ARHGAP23: variants seen among roughly 807,000 people sequenced by gnomAD.
The protein encoded by ARHGAP23 is Rho GTPase activating protein 23.
Under a neutral mutation model 136.3 loss-of-function variants are expected in ARHGAP23, and 34 were observed. The ratio of observed to expected loss-of-function variants is 0.25; its 90% CI spans 0.19 to 0.33. The LOEUF is 0.33. Ranked by LOEUF, ARHGAP23 falls within the 10% of genes least tolerant of loss-of-function variation. The probability of loss-of-function intolerance (pLI) is 1.00; values close to 1 mark genes in which losing one functional copy is unlikely to be tolerated. For synonymous variants in ARHGAP23, 832 were observed against 920.5 expected, an observed-to-expected ratio of 0.90 and a Z score of 1.74; for missense variants, 1,808 against 2,139.0, an observed-to-expected ratio of 0.85 and a Z score of 3.05.
chr17:38,481,962 G>C, intron 14 of ARHGAP23, 60 bp from the exon 15 acceptor site: 1 of 1,447,422 alleles, frequency 6.9e-7, no homozygotes, highest in Non-Finnish European at 9.1e-7. Context: ...ATGTGGCAGT[G>C]AATGTGTGTG....
At position 38,469,566 on chromosome 17, in the gene ARHGAP23, T is replaced by C; in HGVS notation, c.1847T>C (p.Ile616Thr). The change falls in exon 9 of 24, where the codon ATC becomes ACC. Residue 616 changes from isoleucine to threonine, a missense_variant. Ile to Thr is a moderately conservative substitution (Grantham distance 89). Around this residue, in one of 7 missense-constraint regions of ARHGAP23, gnomAD observed 859 missense variants for 936.4 expected, o/e 0.92. Coordinates refer to ENST00000622683, the MANE Select transcript of ARHGAP23 (RefSeq NM_001199417.2). The stretch of plus-strand genomic sequence containing the variant: ...CGCCGCTCCTCCTACCTGCTGGCCA[T>C]CACCACGGAGCGCTCCAAGTCCTGC... ...AGRRSSYLLA[I>T]TTERSKSCDD... 6.5e-7 allele frequency: 1 copy of C among 1,548,622 alleles called. No individual in the cohort carries two copies. Among genetic ancestry groups the C allele is most frequent in the Non-Finnish European group, 8.7e-7 (1 of 1,146,712 alleles).
At chr17:38,446,451 C>T (rs1479593082) in intron 1 of ARHGAP23, among the ~76,000 whole-genome samples, 3 of 151,864 alleles carry the variant, frequency 2.0e-5, no homozygotes, top group Non-Finnish European at 2.9e-5. Flanking sequence ...TCCATTCATC[C>T]GTAGATGGAC....
In ARHGAP23 at chr17:38,479,839, C is replaced by T. The variant is rs761422042; in HGVS notation, c.2585C>T (p.Ala862Val). The change falls in exon 14 of 24, where the codon GCG becomes GTG. Residue 862 changes from alanine (A) to valine (V), a missense_variant. Physicochemically the swap from Ala to Val is moderately conservative, Grantham distance 64. This residue lies in a region of ARHGAP23 where 73 missense variants were observed against 82.5 expected (regional missense o/e 0.88). Transcript: ENST00000622683. ...AAGTCTGAGTTCCTCAAGCAGAGTG[C>T]GGCACGTGGCCTCAGGACTCAGGAC... Reference protein sequence around the residue: ...GLKSEFLKQSAARGLRTQDLP... With the variant: ...GLKSEFLKQSVARGLRTQDLP... 769 of 1,487,516 alleles carry T rather than the reference C, an allele frequency of 5.2e-4. 1 individual carries two copies. Among genetic ancestry groups the T allele is most frequent in the Non-Finnish European group, 6.5e-4 (719 of 1,109,704 alleles). 92.1% of individuals were successfully genotyped at this position (1,487,516 alleles called of 1,614,324 possible).
At chr17:38,462,107 C>T (rs774510535) in intron 3 of ARHGAP23, among the ~76,000 whole-genome samples, 39 of 149,970 alleles carry the variant, frequency 2.6e-4, no homozygotes, top group Non-Finnish European at 4.4e-4. Context: ...TGCCCGCCAC[C>T]GCGCCCGGCT....
At chr17:38,425,096 T>A (rs546242709), upstream of ARHGAP23, among the ~76,000 whole-genome samples, 1 of 152,340 alleles carries the variant, frequency 6.6e-6, no homozygotes, top group South Asian at 2.1e-4. Flanking sequence ...ACGGTGGCCA[T>A]GGCACATCGC....
At chr17:38,486,345 A>G (rs545105777) in intron 17 of ARHGAP23, among the ~76,000 whole-genome samples, 1 of 150,986 alleles carries the variant, frequency 6.6e-6, no homozygotes, top group Non-Finnish European at 1.5e-5. Context: ...CTCCCACCTC[A>G]GCCTCCTGAG....
intron 23 of ARHGAP23, among the ~76,000 whole-genome samples, chr17:38,509,281 A>G (rs765789806): frequency 1.3e-4 from 19 of 151,878 alleles, no homozygotes; most frequent in Non-Finnish European, 2.6e-4. Context: ...AGCGGCTCCA[A>G]TCCAAACCAT....
exon 1 of ARHGAP23, chr17:38,419,297 C>G (rs2038495563): frequency 6.6e-6 from 1 of 151,922 alleles, no homozygotes; most frequent in Admixed American, 6.6e-5. Context: ...TGGCGGTCGC[C>G]GGGTGCAGCT....
At chr17:38,468,087 G>C (rs1160270432) in intron 7 of ARHGAP23, among the ~76,000 whole-genome samples, 2 of 152,240 alleles carry the variant, frequency 1.3e-5, no homozygotes, top group African/African-American at 4.8e-5. Context: ...TTTGGGCTAA[G>C]ACTTGAAGGA....
intron 1 of ARHGAP23, among the ~76,000 whole-genome samples, chr17:38,441,932 C>T (rs1467328060): frequency 1.3e-5 from 2 of 151,892 alleles, no homozygotes; most frequent in Non-Finnish European, 1.5e-5. Flanking sequence ...TGAAGCAGCT[C>T]CCCCCTTTTT....
intron 1 of ARHGAP23, among the ~76,000 whole-genome samples, chr17:38,438,321 C>CAAAAA (rs34412310): frequency 1.4e-4 from 16 of 115,966 alleles, no homozygotes; most frequent in African/African-American, 4.4e-4. Context: ...GACTCCGTCT[C>CAAAAA]AAAAAAAAAA....
At chr17:38,425,101 C>G (rs562746382), upstream of ARHGAP23, among the ~76,000 whole-genome samples, 1 of 152,334 alleles carries the variant, frequency 6.6e-6, no homozygotes, top group South Asian at 2.1e-4. Flanking sequence ...GGCCATGGCA[C>G]ATCGCTGCTT....
At chr17:38,444,272 TG>T (rs1331769034) in intron 1 of ARHGAP23, among the ~76,000 whole-genome samples, 2 of 152,048 alleles carry the variant, frequency 1.3e-5, no homozygotes, top group Non-Finnish European at 1.5e-5. Context: ...ATGCCAGCGC[TG>T]GGCCAGCAGG....
Position 38,510,366 on chromosome 17 carries a change from G to C in ARHGAP23, c.3870G>C (p.Glu1290Asp). ...SELSHVETDT[E>D]GAAGAGPGGR... ...TGAGCCACGTGGAGACGGACACTGAGGGCGCGGCGGGCGCGGGGCCTGGGG... is the reference window on the plus strand; with the variant it reads ...TGAGCCACGTGGAGACGGACACTGACGGCGCGGCGGGCGCGGGGCCTGGGG... The change falls in exon 24 of 24, where the codon GAG (glutamate) becomes GAC (aspartate). Residue 1290 changes from glutamate to aspartate, a missense_variant. This residue lies in a region of ARHGAP23 where 506 missense variants were observed against 455.8 expected (regional missense o/e 1.11). Transcript: ENST00000622683. The surrounding 1 kb of genome is among the most constrained non-coding windows in gnomAD (Gnocchi z 4.6). 3 of 1,244,938 alleles carry C rather than the reference G, an allele frequency of 2.4e-6. No individual in the cohort carries two copies. The highest frequency in any genetic ancestry group is 3.0e-6 in the Non-Finnish European group (3 of 995,838). The allele number at this position is 1,244,938 out of a possible 1,614,324, so 77.1% of individuals were successfully genotyped here. A position where few individuals can be genotyped will look rare whatever the true frequency, so the allele number is the denominator to read the frequency against.
At chr17:38,493,718 G>A (rs2040329091) in intron 20 of ARHGAP23, among the ~76,000 whole-genome samples, 1 of 152,232 alleles carries the variant, frequency 6.6e-6, no homozygotes, top group South Asian at 2.1e-4. Context: ...GGGGTACCCA[G>A]ACCAGTCTTC....
At chr17:38,435,914 A>G (rs1240257021) in intron 1 of ARHGAP23, among the ~76,000 whole-genome samples, 1 of 152,316 alleles carries the variant, frequency 6.6e-6, no homozygotes, top group South Asian at 2.1e-4. Flanking sequence ...GAAGATTCTT[A>G]TAAATCTCCC....
intron 11 of ARHGAP23, among the ~76,000 whole-genome samples, chr17:38,476,507 C>G (rs879348717): frequency 3.9e-5 from 6 of 152,178 alleles, no homozygotes; most frequent in Admixed American, 3.9e-4. Flanking sequence ...AAGTATTGTG[C>G]AAAGTGCCCA....
chr17:38,474,293 C>T (rs908861353), intron 11 of ARHGAP23, among the ~76,000 whole-genome samples: 10 of 152,158 alleles, frequency 6.6e-5, no homozygotes, highest in Non-Finnish European at 8.8e-5. Context: ...AGGAGCCAAT[C>T]CCATTGCCCT....
At position 38,458,141 on chromosome 17, in the gene ARHGAP23, C is replaced by G. The variant is rs901492671; in HGVS notation, c.103C>G (p.Pro35Ala). ...GPRDGCSPRR[P>A]FPWQGPRTLL... ...AAGAGATGGGTGCTCTCCTAGGCGCCCCTTCCCCTGGCAGGGGCCGAGGAC... is the reference window on the plus strand; with the variant it reads ...AAGAGATGGGTGCTCTCCTAGGCGCGCCTTCCCCTGGCAGGGGCCGAGGAC... The change falls in exon 2 of 24, where the codon CCC becomes GCC. Residue 35 changes from proline (P) to alanine (A), a missense_variant. By Grantham distance (27) the Pro-to-Ala change is conservative. Around this residue, in one of 7 missense-constraint regions of ARHGAP23, gnomAD observed 859 missense variants for 936.4 expected, o/e 0.92. Coordinates refer to ENST00000622683, the MANE Select transcript of ARHGAP23 (RefSeq NM_001199417.2). The G allele has an allele frequency of 9.1e-6, 14 of 1,536,046 alleles. No individual in the cohort carries two copies. Among genetic ancestry groups the G allele is most frequent in the Non-Finnish European group, 1.2e-5 (14 of 1,146,926 alleles).
Sources: gnomAD v4.1 joint callset for allele counts (sites outside exome capture counted in the v4.1 genomes callset) on GRCh38, gnomAD v4.1.1 for gene constraint, gnomAD v4.1.1 regional missense constraint, Gnocchi (gnomAD v3.1) non-coding constraint, MANE v1.5 for transcripts, NCBI Gene and HGNC (gene_info 2026-07-23, HGNC 2026-07-21) for gene names.